The following SLC25A26 variants were observed in gnomAD, a reference collection of about 807,000 sequenced individuals.
SLC25A26 encodes mitochondrial S-adenosylmethionine carrier protein.
A neutral mutation model predicts 37.8 loss-of-function variants in SLC25A26; 36 were observed. The observed-to-expected ratio is 0.95, with a 90% CI of 0.73 to 1.26. The LOEUF (loss-of-function observed/expected upper bound fraction) is 1.26, where lower values mean the gene tolerates loss of function less well. Among genes scored for constraint, SLC25A26 ranks in the 50% most tolerant of loss-of-function variants. The pLI, the probability that SLC25A26 is intolerant of heterozygous loss-of-function variation, is 0.00. For synonymous variants in SLC25A26, 129 were observed against 122.5 expected (o/e 1.05, Z -0.35); for missense variants, 390 against 331.1 (o/e 1.18, Z -1.38).
At chr3:66,358,344 A>G (rs747075010) in intron 6 of SLC25A26, among the ~76,000 whole-genome samples, 7 of 152,366 alleles carry the variant, frequency 4.6e-5, no homozygotes, top group African/African-American at 9.6e-5. Flanking sequence ...TCAATATTAC[A>G]TTTCTGAAGT....
Position 66,162,370 on chromosome 3 carries a change from C to T in SLC25A26, c.-354+28386C>T, listed in dbSNP as rs1046923024. ...TTTTTTTTTTTTTTTTGTGGTTGGGCGGGGGAGGGGGGTGCACAACTGAGC... is the reference window on the plus strand; with the variant it reads ...TTTTTTTTTTTTTTTTGTGGTTGGGTGGGGGAGGGGGGTGCACAACTGAGC... On this transcript the variant is annotated intron_variant, in intron 1 of 10. Transcript: ENST00000676754. Among the ~76,000 whole-genome samples, 12 of 53,238 alleles carry T rather than the reference C, an allele frequency of 2.3e-4. No individual in the cohort carries two copies. In the East Asian group the frequency reaches 5.2e-3, roughly 23 times the overall value. The allele number at this position is 53,238 out of a possible 152,430, so 34.9% of individuals were successfully genotyped here. A position where few individuals can be genotyped will look rare whatever the true frequency, so the allele number is the denominator to read the frequency against.
rs74468579 is a variant in SLC25A26 at position 66,267,359 on chromosome 3, T to C, written c.453+3980T>C. ...AGCAGAATTGGGGTTTTCATGACCA[T>C]AGAAGAGAGTGCAAGCCAAGGGAGG... On this transcript the variant is annotated intron_variant, in intron 5 of 9. Transcript: ENST00000354883. Among the ~76,000 whole-genome samples, 205 of 152,246 alleles carry C rather than the reference T, an allele frequency of 1.3e-3. 1 individual carries two copies. The highest frequency in any genetic ancestry group is 2.1e-3 in the Non-Finnish European group (140 of 68,024).
intron 1 of SLC25A26, among the ~76,000 whole-genome samples, chr3:66,228,704 G>A (rs2071872268): frequency 6.6e-6 from 1 of 152,194 alleles, no homozygotes; most frequent in Non-Finnish European, 1.5e-5. Flanking sequence ...ACTGTTTACT[G>A]AGCACTTTAA....
rs926684809 is a variant in SLC25A26 at position 66,371,053 on chromosome 3, A to G, written c.707+451A>G. On this transcript the variant is annotated intron_variant, in intron 9 of 9. Transcript: ENST00000354883. Reference sequence around the variant, plus strand: ...CCACTATTAGCATCAATTGAGAACCATTGTGCTACAGAAGTGCCTCAGACT... The same window carrying G: ...CCACTATTAGCATCAATTGAGAACCGTTGTGCTACAGAAGTGCCTCAGACT... 7.4e-6 allele frequency: 9 copies of G among 1,211,524 alleles called. No homozygotes were observed. The African/African-American group carries it at 1.4e-4, about 19-fold the overall frequency. The allele number at this position is 1,211,524 out of a possible 1,614,324, so 75.0% of individuals were successfully genotyped here.
At chr3:66,217,838 C>T (rs888849564), upstream of SLC25A26, among the ~76,000 whole-genome samples, 348 of 152,332 alleles carry the variant, frequency 2.3e-3, 1 homozygote, top group African/African-American at 7.4e-3. Flanking sequence ...GTATGAGCCA[C>T]GGCGCCCAGC....
At chr3:66,297,539 T>C (rs565775563) in intron 5 of SLC25A26, among the ~76,000 whole-genome samples, 1 of 152,192 alleles carries the variant, frequency 6.6e-6, no homozygotes, top group African/African-American at 2.4e-5. Context: ...AGTTGCAGTT[T>C]TGCCACTCGC....
intron 1 of SLC25A26, among the ~76,000 whole-genome samples, chr3:66,148,369 G>A (rs62246865): frequency 0.34 from 51,335 of 152,000 alleles, 8,886 homozygotes; most frequent in African/African-American, 0.4. Context: ...GTTACCACCC[G>A]TAGACACAAA....
chr3:66,267,117 T>G (rs567268272), intron 5 of SLC25A26, among the ~76,000 whole-genome samples: 1 of 152,254 alleles, frequency 6.6e-6, no homozygotes, highest in Admixed American at 6.5e-5. Flanking sequence ...AGTAGACACT[T>G]TACAGTGCAG....
chr3:66,303,209 G>A (rs1049612488), intron 5 of SLC25A26, among the ~76,000 whole-genome samples: 18 of 152,280 alleles, frequency 1.2e-4, no homozygotes, highest in African/African-American at 4.3e-4. Flanking sequence ...CTTTTCTAAA[G>A]CATTCAGTAT....
At chr3:66,338,011 A>G (rs890136430) in intron 5 of SLC25A26, among the ~76,000 whole-genome samples, 3 of 151,980 alleles carry the variant, frequency 2.0e-5, no homozygotes, top group Non-Finnish European at 4.4e-5. Flanking sequence ...ATATTTCCCT[A>G]TTCCCAGAAA....
intron 1 of SLC25A26, among the ~76,000 whole-genome samples, chr3:66,235,815 A>G (rs2072252229): frequency 1.3e-5 from 2 of 152,254 alleles, no homozygotes; most frequent in Non-Finnish European, 2.9e-5. Flanking sequence ...ATACAGCAAG[A>G]AACCAATAAA....
chr3:66,340,801 A>G (rs912325899), intron 5 of SLC25A26, among the ~76,000 whole-genome samples: 2 of 151,998 alleles, frequency 1.3e-5, no homozygotes, highest in East Asian at 3.9e-4. Context: ...ACATCTTTCA[A>G]GATTGTTTTG....
At chr3:66,353,644 A>AAT (rs2076510599) in intron 6 of SLC25A26, among the ~76,000 whole-genome samples, 1 of 152,244 alleles carries the variant, frequency 6.6e-6, no homozygotes, top group Non-Finnish European at 1.5e-5. Context: ...TTCCTTAATG[A>AAT]TGACATGTAG....
intron 1 of SLC25A26, among the ~76,000 whole-genome samples, chr3:66,231,559 A>G (rs1223638486): frequency 6.6e-6 from 1 of 152,142 alleles, no homozygotes; most frequent in Non-Finnish European, 1.5e-5. Flanking sequence ...TATTAACAGT[A>G]GTATTTCTCA....
chr3:66,208,662 G>T (rs1169668369), intron 1 of SLC25A26, among the ~76,000 whole-genome samples: 15,967 of 118,474 alleles, frequency 0.13, 1,413 homozygotes, highest in East Asian at 0.3. Context: ...CTTTATATGG[G>T]TATATATATA....
At chr3:66,330,618 T>G (rs1036521039) in intron 5 of SLC25A26, among the ~76,000 whole-genome samples, 1 of 150,562 alleles carries the variant, frequency 6.6e-6, no homozygotes, top group Non-Finnish European at 1.5e-5. Flanking sequence ...TAAGTGATCC[T>G]TAAGTAAATA....
chr3:66,199,080 C>T (rs2071079932), intron 1 of SLC25A26, among the ~76,000 whole-genome samples: 1 of 151,808 alleles, frequency 6.6e-6, no homozygotes, highest in African/African-American at 2.4e-5. Context: ...GATCCTTACC[C>T]TCAAATCTGA....
rs1700824311 is a variant in SLC25A26 at position 66,378,616 on chromosome 3, A to T, written c.*809A>T. 6.6e-6 allele frequency: 1 copy of T among 152,438 alleles called. No homozygotes were observed. Among genetic ancestry groups the T allele is most frequent in the African/African-American group, 2.4e-5 (1 of 41,464 alleles). The allele number at this position is 152,438 out of a possible 1,614,324, so 9.4% of individuals were successfully genotyped here. On this transcript the variant is annotated 3_prime_UTR_variant, in exon 10 of 10. Transcript: ENST00000354883. ...CCACACTTAGGGATTTTAGACCTTGACTAACAAGCTCCAGGTGTAGAAAAA... is the reference window on the plus strand; with the variant it reads ...CCACACTTAGGGATTTTAGACCTTGTCTAACAAGCTCCAGGTGTAGAAAAA...
At position 66,370,723 on chromosome 3, in the gene SLC25A26, T is replaced by C. The variant is rs332378; in HGVS notation, c.707+121T>C. On this transcript the variant is annotated intron_variant, in intron 9 of 9. Transcript: ENST00000354883. ...ATGTTCTGCTTTGAGTTTCTATTTA[T>C]TGTGCAAAATATTATAGTTGATGTT... 175,439 of 727,772 alleles carry C rather than the reference T, an allele frequency of 0.24. 23,097 individuals carry two copies. Among genetic ancestry groups the C allele is most frequent in the African/African-American group, 0.39 (21,900 of 56,382 alleles). The allele number at this position is 727,772 out of a possible 1,614,324, so 45.1% of individuals were successfully genotyped here. A position where few individuals can be genotyped will look rare whatever the true frequency, so the allele number is the denominator to read the frequency against.
Sources: gnomAD v4.1 joint callset for allele counts (sites outside exome capture counted in the v4.1 genomes callset) on GRCh38, gnomAD v4.1.1 for gene constraint, MANE v1.5 for transcripts, NCBI Gene and HGNC (gene_info 2026-07-23, HGNC 2026-07-21) for gene names.